ADCY3: variants seen among roughly 807,000 people sequenced by gnomAD.
The protein encoded by ADCY3 is adenylate cyclase type 3.
ADCY3 carries 70 observed loss-of-function variants against 119.4 expected under a neutral mutation model. That is an observed-to-expected ratio of 0.59 (90% CI 0.48 to 0.72). ADCY3 has a LOEUF of 0.72. Ranked by LOEUF, ADCY3 falls within the 30% of genes least tolerant of loss-of-function variation. ADCY3 has a pLI of 0.00. For missense variants in ADCY3, 1,238 were observed against 1,541.6 expected (o/e 0.80, Z 3.30); for synonymous variants, 672 against 621.4 (o/e 1.08, Z -1.21).
intron 2 of ADCY3, among the ~76,000 whole-genome samples, chr2:24,877,589 G>A (rs1675872371): frequency 6.6e-6 from 1 of 152,228 alleles, no homozygotes; most frequent in Non-Finnish European, 1.5e-5. Context: ...CAATCAGGGT[G>A]ATGCTGAGGA....
At chr2:24,831,841 GGGCCAGGGGACAGC>G (rs1669549905) in intron 11 of ADCY3, 92 bp from the exon 12 acceptor site, 1 of 863,706 alleles carries the variant, frequency 1.2e-6, no homozygotes, top group Admixed American at 2.1e-5. Context: ...ATGGGGGCAG[GGGCCAGGGGACAGC>G]GGACAGGGGG....
At chr2:24,903,841 G>A (rs1446482063) in intron 2 of ADCY3, among the ~76,000 whole-genome samples, 13 of 152,164 alleles carry the variant, frequency 8.5e-5, no homozygotes, top group East Asian at 7.7e-4. Context: ...TAACCCTGCC[G>A]AGGACGAAGA....
Position 24,820,818 on chromosome 2 carries a change from AC to A in ADCY3, c.3157del (p.Val1053SerfsTer18). On this transcript the variant is annotated frameshift_variant, in exon 21 of 22. Coordinates refer to ENST00000679454, the MANE Select transcript of ADCY3 (RefSeq NM_004036.5). LOFTEE classifies it high-confidence loss of function. ...GTAGTGTGGTTTCCGGGCTCCGATG[AC>A]CCCAGCCAGAACCCCGCCTTTGTTC... ...GMNKGGVLAGVIGARKPHYDI... is the reference protein window; with the variant it reads ...GMNKGGVLAGXIGARKPHYDI... 1 of 1,613,770 alleles carries A rather than the reference AC, an allele frequency of 6.2e-7. No individual in the cohort carries two copies. Among genetic ancestry groups the A allele is most frequent in the Non-Finnish European group, 8.5e-7 (1 of 1,179,924 alleles).
intron 3 of ADCY3, among the ~76,000 whole-genome samples, chr2:24,859,405 G>A (rs1673377572): frequency 6.6e-6 from 1 of 152,144 alleles, no homozygotes; most frequent in African/African-American, 2.4e-5. Flanking sequence ...ACAGTGGCAT[G>A]GTGGGGCTTG....
rs1664777805 is a variant in ADCY3 at position 24,918,831 on chromosome 2, T to C, written c.157A>G (p.Met53Val). 1.2e-6 allele frequency: 2 copies of C among 1,613,646 alleles called. No individual in the cohort carries two copies. The highest frequency in any genetic ancestry group is 2.2e-5 in the South Asian group (2 of 91,074). ...SGSCLCLPRF[M>V]RLTFVPESLE... ...GACTCCGGCACGAAAGTCAGCCGCA[T>C]GAAGCGAGGCAGGCACAGGCAGGAG... Residue 53 changes from methionine to valine, a missense_variant, in exon 2 of 22, where the codon ATG becomes GTG. This residue lies in a region of ADCY3 where 227 missense variants were observed against 249.3 expected (regional missense o/e 0.91). Coordinates refer to ENST00000679454, the MANE Select transcript of ADCY3 (RefSeq NM_004036.5). The surrounding 1 kb of genome is among the most constrained non-coding windows in gnomAD (Gnocchi z 5.4).
At chr2:24,913,651 C>T (rs540924850) in intron 2 of ADCY3, among the ~76,000 whole-genome samples, 20 of 152,296 alleles carry the variant, frequency 1.3e-4, no homozygotes, top group African/African-American at 4.3e-4. Context: ...AGCTACCTGC[C>T]GTCTGCAGAC....
chr2:24,823,154 T>G, intron 18 of ADCY3, 55 bp downstream of exon 18: 1 of 1,571,130 alleles, frequency 6.4e-7, no homozygotes, highest in Non-Finnish European at 8.6e-7. Flanking sequence ...TTGTAGGATG[T>G]GATGTGGAAT....
At chr2:24,820,622 G>C (rs1667487228) in intron 21 of ADCY3, 102 bp downstream of exon 21, 4 of 1,557,070 alleles carry the variant, frequency 2.6e-6, no homozygotes, top group South Asian at 1.2e-5. Context: ...TGGACTTACT[G>C]TTCAGGGCCA....
chr2:24,847,593 T>C (rs746178628), intron 3 of ADCY3, among the ~76,000 whole-genome samples: 36 of 152,162 alleles, frequency 2.4e-4, no homozygotes, highest in Non-Finnish European at 5.0e-4. Context: ...GCCTTGGTGC[T>C]TGGCAACTCC....
intron 2 of ADCY3, among the ~76,000 whole-genome samples, chr2:24,903,852 T>C (rs1201167227): frequency 6.6e-6 from 1 of 152,110 alleles, no homozygotes; most frequent in Non-Finnish European, 1.5e-5. Flanking sequence ...AGGACGAAGA[T>C]TCTAAAGCTC....
intron 3 of ADCY3, among the ~76,000 whole-genome samples, chr2:24,852,415 CGGA>C (rs2148661970): frequency 6.6e-6 from 1 of 152,274 alleles, no homozygotes; most frequent in Admixed American, 6.5e-5. Flanking sequence ...GAAGAGGGAG[CGGA>C]GGAGGAGAGT....
chr2:24,819,293 G>A lies in ADCY3; in HGVS notation c.*639C>T, dbSNP rs972104021. On this transcript the variant is annotated 3_prime_UTR_variant, in exon 22 of 22. Coordinates refer to ENST00000679454, the MANE Select transcript of ADCY3 (RefSeq NM_004036.5). ...AAAAGGCAAGGCAATATCGGAAAGT[G>A]TATTTAACAGAAGATTAAAAATATA... is the stretch of plus-strand genomic sequence containing the variant. The A allele has an allele frequency of 2.0e-5, 3 of 152,640 alleles. No homozygotes were observed. The highest frequency in any genetic ancestry group is 1.3e-4 in the Admixed American group (2 of 15,284). The allele number at this position is 152,640 out of a possible 1,614,324, so 9.5% of individuals were successfully genotyped here.
Position 24,830,126 on chromosome 2 carries a change from C to T in ADCY3, c.2172+583G>A, listed in dbSNP as rs545913681. On this transcript the variant is annotated intron_variant, in intron 13 of 21. Transcript: ENST00000679454. ...CTCAATCTCGGCTCACTGCAACCTC[C>T]GCCTCCTGGGTTCAAGCGATTCTCC... Among the ~76,000 whole-genome samples, 140 of 150,240 alleles carry T rather than the reference C, an allele frequency of 9.3e-4. 3 individuals are homozygous for T. Among genetic ancestry groups the T allele is most frequent in the African/African-American group, 3.1e-3 (128 of 40,686 alleles).
At chr2:24,891,758 G>GA (rs1558506412) in intron 2 of ADCY3, among the ~76,000 whole-genome samples, 1 of 152,144 alleles carries the variant, frequency 6.6e-6, no homozygotes, top group African/African-American at 2.4e-5. Flanking sequence ...GCTTAAAGAT[G>GA]AAAAAGGTAT....
chr2:24,903,823 T>C (rs1383661963), intron 2 of ADCY3, among the ~76,000 whole-genome samples: 1 of 152,142 alleles, frequency 6.6e-6, no homozygotes, highest in Non-Finnish European at 1.5e-5. Flanking sequence ...TCAGGTGTTG[T>C]GCGTCACTAA....
intron 2 of ADCY3, among the ~76,000 whole-genome samples, chr2:24,905,228 G>T (rs1679332721): frequency 6.6e-6 from 1 of 151,490 alleles, no homozygotes; most frequent in Non-Finnish European, 1.5e-5. Flanking sequence ...CTGCCCCCTG[G>T]GTTCACACCA....
chr2:24,848,914 CA>C (rs1214490704), intron 3 of ADCY3, among the ~76,000 whole-genome samples: 1 of 152,148 alleles, frequency 6.6e-6, no homozygotes, highest in Non-Finnish European at 1.5e-5. Flanking sequence ...GGTGGGACAA[CA>C]AAGGGATACA....
chr2:24,842,451 G>A lies in ADCY3; in HGVS notation c.826-67C>T. On this transcript the variant is annotated intron_variant, in intron 3 of 21. Coordinates refer to ENST00000679454, the MANE Select transcript of ADCY3 (RefSeq NM_004036.5). The surrounding 1 kb of genome is among the most constrained non-coding windows in gnomAD (Gnocchi z 4.9). The stretch of plus-strand genomic sequence containing the variant: ...GCTAGAGGCAAGTTCAGATACTTCT[G>A]GGAAGAAATGCCCCGATCCTGGCAA... 6.3e-7 allele frequency: 1 copy of A among 1,595,408 alleles called. No individual in the cohort carries two copies. The highest frequency in any genetic ancestry group is 8.6e-7 in the Non-Finnish European group (1 of 1,167,640).
chr2:24,889,573 C>T lies in ADCY3; in HGVS notation c.676-16854G>A, dbSNP rs539095980. ...GTTGGCTGGGCACAGTGGCTCACGC[C>T]TGTAATCCTGCCCAGCACTTTGGGA... is the stretch of plus-strand genomic sequence containing the variant. On this transcript the variant is annotated intron_variant, in intron 2 of 21. Transcript: ENST00000679454. Among the ~76,000 whole-genome samples the T allele has an allele frequency of 5.9e-5, 9 of 152,378 alleles. No homozygotes were observed. The South Asian group carries it at 1.7e-3, about 28-fold the overall frequency.
Sources: gnomAD v4.1 joint callset for allele counts (sites outside exome capture counted in the v4.1 genomes callset) on GRCh38, gnomAD v4.1.1 for gene constraint, gnomAD v4.1.1 regional missense constraint, Gnocchi (gnomAD v3.1) non-coding constraint, MANE v1.5 for transcripts, NCBI Gene and HGNC (gene_info 2026-07-23, HGNC 2026-07-21) for gene names.